The following SLC4A11 variants were observed in gnomAD, a reference collection of about 807,000 sequenced individuals.
The protein encoded by SLC4A11 is bicarbonate transporter related protein 1.
Under a neutral mutation model 95.0 loss-of-function variants are expected in SLC4A11, and 74 were observed. The observed-to-expected ratio is 0.78, with a 90% CI of 0.65 to 0.95. The LOEUF (loss-of-function observed/expected upper bound fraction) is 0.95, where lower values mean the gene tolerates loss of function less well. Among genes scored for constraint, SLC4A11 ranks in the 40% least tolerant of loss-of-function variants. The pLI is 0.00. For missense variants in SLC4A11, 1,081 were observed against 1,192.4 expected (o/e 0.91, Z 1.38); for synonymous variants, 548 against 519.0 (o/e 1.06, Z -0.76).
At position 3,234,774 on chromosome 20, in the gene SLC4A11, T is replaced by G. The variant is rs371191159; in HGVS notation, c.209A>C (p.Asn70Thr). The change falls in exon 3 of 20, where the codon AAT becomes ACT. Residue 70 changes from asparagine to threonine, a missense_variant. This residue lies in a region of SLC4A11 where 310 missense variants were observed against 313.5 expected (regional missense o/e 0.99). Coordinates refer to ENST00000642402, the MANE Select transcript of SLC4A11 (RefSeq NM_001174089.2). The surrounding 1 kb of genome is among the most constrained non-coding windows in gnomAD (Gnocchi z 5.8). Reference sequence around the variant, plus strand: ...GGTGGCCTGCATCTCAAGGTTGACATTGACAAAAAAACGGATACTCTCGCC... The same window carrying G: ...GGTGGCCTGCATCTCAAGGTTGACAGTGACAAAAAAACGGATACTCTCGCC... ...VSGESIRFFV[N>T]VNLEMQATNT... is the part of the protein sequence containing the mutation. 2 of 1,613,942 alleles carry G rather than the reference T, an allele frequency of 1.2e-6. No individual in the cohort carries two copies. The highest frequency in any genetic ancestry group is 4.5e-5 in the East Asian group (2 of 44,860).
chr20:3,229,535 T>A lies in SLC4A11; in HGVS notation c.1731A>T (p.Gln577His). Residue 577 changes from glutamine to histidine, a missense_variant, in exon 14 of 20, where the codon CAA becomes CAT. Around this residue, in one of 3 missense-constraint regions of SLC4A11, gnomAD observed 767 missense variants for 858.0 expected, o/e 0.89. Coordinates refer to ENST00000642402, the MANE Select transcript of SLC4A11 (RefSeq NM_001174089.2). ...ATGCAGCCCCTCACCTCTTCTTGAA[T>A]TGGTAGAGGGTGTAGCCCAGCCAGA... ...GTLWLGYTLY[Q>H]FKKSPYLHPC... The A allele has an allele frequency of 6.2e-7, 1 of 1,612,706 alleles. No individual in the cohort carries two copies. The highest frequency in any genetic ancestry group is 8.5e-7 in the Non-Finnish European group (1 of 1,179,892).
At chr20:3,237,758 C>G (rs937097777) in intron 1 of SLC4A11, 170 bp from the exon 2 acceptor site, 53 of 1,612,888 alleles carry the variant, frequency 3.3e-5, no homozygotes, top group Non-Finnish European at 4.5e-5. Context: ...GGGAGGGGGC[C>G]CCATAGCAGG....
intron 2 of SLC4A11, among the ~76,000 whole-genome samples, chr20:3,236,415 T>A (rs1026008236): frequency 6.6e-6 from 1 of 152,062 alleles, no homozygotes; most frequent in African/African-American, 2.4e-5. Flanking sequence ...TGAAACCCTG[T>A]CTCTACTAAA....
In SLC4A11 at chr20:3,229,718, T is replaced by G. The variant is rs753862074; in HGVS notation, c.1548A>C (p.Ser516=). The G allele has an allele frequency of 3.7e-6, 6 of 1,613,954 alleles. No individual in the cohort carries two copies. In the South Asian group the frequency reaches 6.6e-5, roughly 18 times the overall value. Residue 516 remains serine (S), a synonymous_variant, in exon 14 of 20, where the codon TCA becomes TCC. Coordinates refer to ENST00000642402, the MANE Select transcript of SLC4A11 (RefSeq NM_001174089.2). ...YLDDYHTKRT[S]SLVSLSGLGA... is the part of the protein sequence containing the mutation. ...CGAGGCCTGACAGGCTGACAAGGGATGAAGTCCTTTTTGTGTGATAGTCGT... is the reference window on the plus strand; with the variant it reads ...CGAGGCCTGACAGGCTGACAAGGGAGGAAGTCCTTTTTGTGTGATAGTCGT...
At chr20:3,233,836 G>A in intron 6 of SLC4A11, 85 bp downstream of exon 6, 1 of 1,543,032 alleles carries the variant, frequency 6.5e-7, no homozygotes, top group Non-Finnish European at 8.9e-7. Context: ...ACTCACAGGT[G>A]GGCTGGCCTC....
intron 1 of SLC4A11, chr20:3,238,076 T>C: frequency 6.8e-7 from 1 of 1,472,070 alleles, no homozygotes; most frequent in Non-Finnish European, 9.0e-7. Context: ...GCAGGCGCAG[T>C]TCCCCCGACC....
rs1600572957 is a variant in SLC4A11 at position 3,230,239 on chromosome 20, G to A, written c.1437C>T (p.Ala479=). 6.2e-7 allele frequency: 1 copy of A among 1,613,588 alleles called. No individual in the cohort carries two copies. Among genetic ancestry groups the A allele is most frequent in the Non-Finnish European group, 8.5e-7 (1 of 1,180,020 alleles). ...LFKRSTEEII[A]LFISITFVLD... The stretch of plus-strand genomic sequence containing the variant: ...GCACAAACGTGATGGAAATGAAGAG[G>A]GCGATGATCTCCTCCGTCGACCTGC... The change falls in exon 13 of 20, where the codon GCC becomes GCT. Residue 479 remains alanine (A), a synonymous_variant. Transcript: ENST00000642402.
Position 3,228,403 on chromosome 20 carries a change from A to C in SLC4A11, c.2414T>G (p.Ile805Ser). ...GATCTTCCTCTGGGGCACCCTCCGG[A>C]TGTAGTGTGTCGGGGGGTACGCAGT... ...EQTAYPPTHY[I>S]RRVPQRKIHY... Residue 805 changes from isoleucine (I) to serine (S), a missense_variant, in exon 19 of 20, where the codon ATC becomes AGC. Transcript: ENST00000642402. 6.2e-7 allele frequency: 1 copy of C among 1,613,244 alleles called. No individual in the cohort carries two copies. The highest frequency in any genetic ancestry group is 8.5e-7 in the Non-Finnish European group (1 of 1,179,972).
At chr20:3,239,211 C>T, upstream of SLC4A11, 4 of 1,329,384 alleles carry the variant, frequency 3.0e-6, no homozygotes, top group South Asian at 5.6e-5. Context: ...CTCGGCGACT[C>T]GGGCGGGCCG....
At chr20:3,232,092 G>C (rs540688851) in intron 7 of SLC4A11, among the ~76,000 whole-genome samples, 1 of 152,322 alleles carries the variant, frequency 6.6e-6, no homozygotes, top group East Asian at 1.9e-4. Context: ...ATAAACTCAA[G>C]ATATTACTTT....
chr20:3,238,320 G>A (rs879221686), intron 1 of SLC4A11: 3 of 985,360 alleles, frequency 3.0e-6, no homozygotes, highest in South Asian at 9.4e-5. Flanking sequence ...CGACAGGAGG[G>A]GCCGCGTGCA....
rs1420577188 is a variant in SLC4A11 at position 3,230,585 on chromosome 20, G to C, written c.1345C>G (p.Leu449Val). ...AGCGCAAGGAAGAAACTATTCCACAGGCCCGTCCATGCGTAGAAGGAGTTG... is the reference window on the plus strand; with the variant it reads ...AGCGCAAGGAAGAAACTATTCCACACGCCCGTCCATGCGTAGAAGGAGTTG... ...DFNSFYAWTG[L>V]WNSFFLALYA... The change falls in exon 12 of 20, where the codon CTG becomes GTG. Residue 449 changes from leucine to valine, a missense_variant. Physicochemically the swap from Leu to Val is conservative, Grantham distance 32. Transcript: ENST00000642402. The C allele has an allele frequency of 1.4e-5, 23 of 1,613,770 alleles. 1 individual carries two copies. The highest frequency in any genetic ancestry group is 2.2e-5 in the South Asian group (2 of 91,090).
chr20:3,235,873 T>C (rs1222448396), intron 2 of SLC4A11, among the ~76,000 whole-genome samples: 2 of 151,940 alleles, frequency 1.3e-5, no homozygotes, highest in Non-Finnish European at 2.9e-5. Flanking sequence ...GCTGAGGGCT[T>C]CCCTCCCTGG....
Position 3,230,647 on chromosome 20 carries a change from A to C in SLC4A11, c.1283T>G (p.Val428Gly). 3.1e-6 allele frequency: 5 copies of C among 1,613,362 alleles called. No homozygotes were observed. Among genetic ancestry groups the C allele is most frequent in the African/African-American group, 1.3e-5 (1 of 74,970 alleles). Residue 428 changes from valine (V) to glycine (G), a missense_variant and splice_region_variant, in exon 12 of 20, where the codon GTG becomes GGG. By Grantham distance (109) the Val-to-Gly change is moderately radical. Transcript: ENST00000642402. ...TTAPLALYIQ[V>G]IRVICDDYDL... is the part of the protein sequence containing the mutation. ...ATAGTCATCACAGATGACACGAATC[A>C]CTGCAGGCAGGGGGCAGGGCGGGTC...
chr20:3,227,743 G>A lies in SLC4A11; in HGVS notation c.*44C>T. 6.3e-7 allele frequency: 1 copy of A among 1,597,644 alleles called. No homozygotes were observed. The highest frequency in any genetic ancestry group is 8.6e-7 in the Non-Finnish European group (1 of 1,168,578). ...TCACAGCTCCAGAGCCAGCCTGGGA[G>A]GACGTGGAGGGCTGGCGAATGGGGC... On this transcript the variant is annotated 3_prime_UTR_variant, in exon 20 of 20. Coordinates refer to ENST00000642402, the MANE Select transcript of SLC4A11 (RefSeq NM_001174089.2).
chr20:3,235,607 C>T (rs1337610236), intron 2 of SLC4A11, among the ~76,000 whole-genome samples: 1 of 152,072 alleles, frequency 6.6e-6, no homozygotes, highest in Non-Finnish European at 1.5e-5. Flanking sequence ...TGTAATGGCA[C>T]CTGTGGGATG....
intron 19 of SLC4A11, among the ~76,000 whole-genome samples, 196 bp downstream of exon 19, chr20:3,228,063 T>G (rs1251734876): frequency 2.6e-5 from 3 of 113,522 alleles, no homozygotes; most frequent in Non-Finnish European, 5.7e-5. Context: ...ACCTCTAGGC[T>G]GGGCTCCTCC....
At position 3,228,871 on chromosome 20, in the gene SLC4A11, T is replaced by C. The variant is rs7344681; in HGVS notation, c.2159A>G (p.Glu720Gly). 6.2e-7 allele frequency: 1 copy of C among 1,613,856 alleles called. No individual in the cohort carries two copies. Among genetic ancestry groups the C allele is most frequent in the Non-Finnish European group, 8.5e-7 (1 of 1,180,022 alleles). Residue 720 changes from glutamate (E) to glycine (G), a missense_variant, in exon 17 of 20, where the codon GAG becomes GGG. Glu to Gly is a moderately conservative substitution (Grantham distance 98, BLOSUM62 -2). This residue lies in a region of SLC4A11 where 767 missense variants were observed against 858.0 expected (regional missense o/e 0.89). Coordinates refer to ENST00000642402, the MANE Select transcript of SLC4A11 (RefSeq NM_001174089.2). ...PLHVRALALV[E>G]ERVENGHIYD... ...GATGTGTCCGTTCTCCACACGCTCC[T>C]CCACTAAGGCCAGGGCTCGCACGTG...
intron 15 of SLC4A11, 38 bp from the exon 16 acceptor site, chr20:3,229,301 C>T: frequency 6.2e-7 from 1 of 1,613,116 alleles, no homozygotes; most frequent in Non-Finnish European, 8.5e-7. Flanking sequence ...GCCTGCAGCG[C>T]CTGGGGAGCT....
Sources: allele counts gnomAD v4.1 joint callset (sites outside exome capture counted in the v4.1 genomes callset), GRCh38; gene constraint gnomAD v4.1.1; regional missense constraint gnomAD v4.1.1; non-coding constraint Gnocchi (gnomAD v3.1); transcripts MANE v1.5; gene names NCBI Gene and HGNC (gene_info 2026-07-23, HGNC 2026-07-21).